The following DIAPH2 variants were observed in gnomAD, a reference collection of about 807,000 sequenced individuals.
The protein encoded by DIAPH2 is protein diaphanous homolog 2.
A neutral mutation model predicts 92.7 loss-of-function variants in DIAPH2; 35 were observed. The ratio of observed to expected loss-of-function variants is 0.38; its 90% CI spans 0.29 to 0.50. The LOEUF (loss-of-function observed/expected upper bound fraction) is 0.50, where lower values mean the gene tolerates loss of function less well. DIAPH2 is among the 20% of genes least tolerant of loss of function. The probability of loss-of-function intolerance (pLI) is 0.94; values close to 1 mark genes in which losing one functional copy is unlikely to be tolerated. For synonymous variants in DIAPH2, 301 were observed against 280.4 expected (o/e 1.07, Z -0.73); for missense variants, 701 against 819.5 (o/e 0.86, Z 1.77).
intron 26 of DIAPH2, among the ~76,000 whole-genome samples, chrX:97,514,428 T>G (rs1355078300): frequency 2.7e-5 from 3 of 112,855 alleles, no homozygotes; most frequent in African/African-American, 9.6e-5. Flanking sequence ...TTTTTCAAAG[T>G]TTTCAACTTC....
intron 26 of DIAPH2, among the ~76,000 whole-genome samples, chrX:97,579,734 A>C (rs2071425137): frequency 9.1e-6 from 1 of 110,292 alleles, no homozygotes; most frequent in Non-Finnish European, 1.9e-5. Context: ...TGGGGATGGC[A>C]TTGAATCTGT....
At chrX:97,451,058 T>C (rs1375897204) in intron 26 of DIAPH2, among the ~76,000 whole-genome samples, 1 of 111,316 alleles carries the variant, frequency 9.0e-6, no homozygotes, top group African/African-American at 3.3e-5. Flanking sequence ...TTTAAAAAGT[T>C]AATCCTTAAG....
intron 26 of DIAPH2, among the ~76,000 whole-genome samples, chrX:97,445,348 C>T (rs978385328): frequency 1.8e-5 from 2 of 111,242 alleles, no homozygotes; most frequent in Non-Finnish European, 3.8e-5. Flanking sequence ...CACTACTTTC[C>T]TCACTTTGTT....
At chrX:97,282,886 A>G (rs1045324074) in intron 23 of DIAPH2, among the ~76,000 whole-genome samples, 2 of 111,791 alleles carry the variant, frequency 1.8e-5, no homozygotes, top group African/African-American at 6.5e-5. Flanking sequence ...GATTTGCATC[A>G]TGATGTACAT....
intron 25 of DIAPH2, among the ~76,000 whole-genome samples, chrX:97,406,439 G>A (rs1460564486): frequency 9.0e-6 from 1 of 111,621 alleles, no homozygotes; most frequent in Non-Finnish European, 1.9e-5. Flanking sequence ...TCAAGACAGT[G>A]CTAATGTGAG....
intron 21 of DIAPH2, among the ~76,000 whole-genome samples, chrX:97,129,771 A>G (rs2067125591): frequency 9.0e-6 from 1 of 111,193 alleles, no homozygotes; most frequent in South Asian, 3.9e-4. Flanking sequence ...GGAGACATAT[A>G]CAAGAATGAT....
chrX:96,800,225 T>C (rs1207919228), intron 4 of DIAPH2, among the ~76,000 whole-genome samples: 1 of 107,080 alleles, frequency 9.3e-6, no homozygotes, highest in Non-Finnish European at 1.9e-5. Context: ...TTCTCTTAAC[T>C]GCAATTATAG....
At chrX:96,814,279 T>C (rs896057566) in intron 4 of DIAPH2, among the ~76,000 whole-genome samples, 4 of 111,932 alleles carry the variant, frequency 3.6e-5, no homozygotes, top group African/African-American at 1.3e-4. Flanking sequence ...TGATTTGATC[T>C]TCAATCACTG....
At chrX:97,351,669 G>A (rs777707095) in intron 24 of DIAPH2, among the ~76,000 whole-genome samples, 1,523 of 111,063 alleles carry the variant, frequency 0.014, 24 homozygotes, top group African/African-American at 0.048. Context: ...CGGGCGTGGT[G>A]GCGGGCGCCT....
intron 22 of DIAPH2, among the ~76,000 whole-genome samples, chrX:97,169,257 A>G (rs754260053): frequency 3.6e-5 from 4 of 111,942 alleles, no homozygotes; most frequent in Admixed American, 2.9e-4. Context: ...GAATGGAGTT[A>G]GCAAGAGGAA....
chrX:97,144,424 G>C (rs2067229267), intron 22 of DIAPH2, among the ~76,000 whole-genome samples: 1 of 111,188 alleles, frequency 9.0e-6, no homozygotes, highest in African/African-American at 3.3e-5. Context: ...AAAATAGCTA[G>C]AAGAGAAGAT....
intron 26 of DIAPH2, among the ~76,000 whole-genome samples, chrX:97,438,351 G>GT (rs1569397496): frequency 1.6e-4 from 8 of 51,314 alleles, no homozygotes; most frequent in African/African-American, 3.1e-4. Context: ...TTTTTTTTTT[G>GT]TTTGTTTGTT....
At chrX:97,151,891 T>C in intron 22 of DIAPH2, among the ~76,000 whole-genome samples, 1 of 111,367 alleles carries the variant, frequency 9.0e-6, no homozygotes, top group Non-Finnish European at 1.9e-5. Flanking sequence ...GAAGTACTGA[T>C]ACTGAGTAGT....
intron 26 of DIAPH2, among the ~76,000 whole-genome samples, chrX:97,467,453 A>G (rs890559211): frequency 1.8e-5 from 2 of 111,860 alleles, no homozygotes; most frequent in Non-Finnish European, 3.8e-5. Flanking sequence ...AACAATGTAG[A>G]AGAATCCTCT....
chrX:97,483,711 G>A (rs924936480), intron 26 of DIAPH2, among the ~76,000 whole-genome samples: 3 of 111,351 alleles, frequency 2.7e-5, no homozygotes, highest in Non-Finnish European at 5.7e-5. Flanking sequence ...TATACCTACA[G>A]AGAAAGCCTG....
At position 96,937,910 on chromosome X, in the gene DIAPH2, T is replaced by C. The variant is rs755395763; in HGVS notation, c.1208+559T>C. 9.8e-5 allele frequency among the ~76,000 whole-genome samples: 11 copies of C among 112,088 alleles called. No individual in the cohort carries two copies. In the Admixed American group the frequency reaches 1.0e-3, roughly 11 times the overall value. On this transcript the variant is annotated intron_variant, in intron 11 of 26. Transcript: ENST00000324765. The stretch of plus-strand genomic sequence containing the variant: ...ACCTTCCGACGGCAGCAATTTTATA[T>C]AAAATGATTTTAGATCTAAGAGATG...
chrX:97,178,443 CT>C (rs766983375), intron 22 of DIAPH2, among the ~76,000 whole-genome samples: 196 of 67,238 alleles, frequency 2.9e-3, no homozygotes, highest in Non-Finnish European at 4.5e-3. Context: ...CTATATTTCT[CT>C]TTTTTTTTTT....
chrX:97,596,246 A>G (rs778673174), intron 26 of DIAPH2, among the ~76,000 whole-genome samples: 2 of 111,881 alleles, frequency 1.8e-5, no homozygotes, highest in Non-Finnish European at 3.8e-5. Flanking sequence ...GAATATGACA[A>G]ATCATGTTAC....
intron 17 of DIAPH2, among the ~76,000 whole-genome samples, chrX:96,968,158 G>T (rs979859516): frequency 1.8e-5 from 2 of 109,942 alleles, no homozygotes; most frequent in Non-Finnish European, 3.8e-5. Context: ...GATGATTAGT[G>T]TTATGAGCAT....
Sources: allele counts gnomAD v4.1 joint callset (sites outside exome capture counted in the v4.1 genomes callset), GRCh38; gene constraint gnomAD v4.1.1; transcripts MANE v1.5; gene names NCBI Gene and HGNC (gene_info 2026-07-23, HGNC 2026-07-21).